Variants in DOCK3 observed in about 807,000 individuals in gnomAD.
The protein encoded by DOCK3 is dedicator of cytokinesis 3.
A neutral mutation model predicts 265.6 loss-of-function variants in DOCK3; 60 were observed. The ratio of observed to expected loss-of-function variants is 0.23; its 90% CI spans 0.18 to 0.28. The LOEUF (loss-of-function observed/expected upper bound fraction) is 0.28. Among genes scored for constraint, DOCK3 ranks in the 10% least tolerant of loss-of-function variants. The pLI is 1.00. For missense variants in DOCK3, 1,981 were observed against 2,594.3 expected (o/e 0.76, Z 5.14); for synonymous variants, 881 against 938.0 (o/e 0.94, Z 1.11).
At chr3:51,297,475 C>T (rs2082152928) in intron 27 of DOCK3, among the ~76,000 whole-genome samples, 1 of 151,978 alleles carries the variant, frequency 6.6e-6, no homozygotes, top group African/African-American at 2.4e-5. Flanking sequence ...CAAAAAGACA[C>T]CTACTACTCA....
intron 1 of DOCK3, among the ~76,000 whole-genome samples, chr3:50,676,247 A>G (rs984766280): frequency 2.6e-5 from 4 of 152,236 alleles, no homozygotes; most frequent in African/African-American, 9.6e-5. Context: ...GATTTAGTTC[A>G]CAATTCACTA....
intron 1 of DOCK3, among the ~76,000 whole-genome samples, chr3:50,776,776 A>G (rs1481105593): frequency 3.3e-5 from 5 of 152,128 alleles, no homozygotes; most frequent in African/African-American, 9.7e-5. Context: ...ACCCAGTTTC[A>G]TTCTTCTACA....
chr3:51,108,615 C>T (rs2083388883), intron 9 of DOCK3, among the ~76,000 whole-genome samples: 1 of 152,090 alleles, frequency 6.6e-6, no homozygotes, highest in South Asian at 2.1e-4. Flanking sequence ...GAAGCAAGAC[C>T]CAGTGGTATG....
At chr3:50,966,013 CTCTGTT>C (rs1401148016) in intron 5 of DOCK3, among the ~76,000 whole-genome samples, 3 of 129,918 alleles carry the variant, frequency 2.3e-5, no homozygotes, top group Non-Finnish European at 4.9e-5. Flanking sequence ...CCATTCTACT[CTCTGTT>C]TCTAAGAGTT....
intron 5 of DOCK3, among the ~76,000 whole-genome samples, chr3:51,014,744 G>A (rs1231835096): frequency 1.3e-5 from 2 of 152,056 alleles, no homozygotes; most frequent in Non-Finnish European, 2.9e-5. Context: ...GCTTTGGGTA[G>A]TATGGACGTT....
intron 7 of DOCK3, among the ~76,000 whole-genome samples, chr3:51,079,447 C>T (rs1366424189): frequency 6.6e-6 from 1 of 152,130 alleles, no homozygotes; most frequent in Non-Finnish European, 1.5e-5. Flanking sequence ...ATCTTCCCAC[C>T]TTAACCTCCT....
At chr3:50,812,366 A>G (rs945589398) in intron 2 of DOCK3, among the ~76,000 whole-genome samples, 6 of 152,360 alleles carry the variant, frequency 3.9e-5, no homozygotes, top group Admixed American at 3.9e-4. Context: ...ATGAGCTGGC[A>G]AAAGAAAGAT....
rs758190478 is a variant in DOCK3, at chr3:51,338,917, T to C, written c.3673-18T>C. 15 of 1,579,438 alleles carry C rather than the reference T, an allele frequency of 9.5e-6. No individual in the cohort carries two copies. The highest frequency in any genetic ancestry group is 1.3e-5 in the Non-Finnish European group (15 of 1,160,444). On this transcript the variant is annotated intron_variant, in intron 36 of 52. Transcript: ENST00000266037. ...CTTCCACAGGTAGTTGACAGGTGTT[T>C]CCTTCTCTTTATTGTAGAATTTTTA...
At chr3:50,726,477 C>T (rs551647590) in intron 1 of DOCK3, among the ~76,000 whole-genome samples, 12 of 152,286 alleles carry the variant, frequency 7.9e-5, no homozygotes, top group Non-Finnish European at 1.8e-4. Context: ...TAAGCTTGTA[C>T]TTTTGACTGA....
intron 5 of DOCK3, among the ~76,000 whole-genome samples, chr3:50,995,228 C>A (rs1263304110): frequency 6.6e-6 from 1 of 152,168 alleles, no homozygotes; most frequent in East Asian, 1.9e-4. Flanking sequence ...TAAACTTTTA[C>A]ATCTACAATA....
At chr3:51,147,987 T>A (rs935149883) in intron 10 of DOCK3, among the ~76,000 whole-genome samples, 4 of 152,196 alleles carry the variant, frequency 2.6e-5, no homozygotes, top group Non-Finnish European at 5.9e-5. Flanking sequence ...TTTCTCCACA[T>A]CCTCTCCAGC....
intron 5 of DOCK3, among the ~76,000 whole-genome samples, chr3:51,033,875 T>C (rs1024631882): frequency 6.6e-6 from 1 of 152,206 alleles, no homozygotes; most frequent in Admixed American, 6.5e-5. Context: ...CCCAAAAGTT[T>C]ATGGCAAAAG....
Position 51,213,998 on chromosome 3 carries a change from AAGTTTT to A in DOCK3, c.1127-123_1127-118del, listed in dbSNP as rs903594494. 41 of 1,333,472 alleles carry A rather than the reference AAGTTTT, an allele frequency of 3.1e-5. 1 individual carries two copies. The Middle Eastern group carries it at 3.0e-3, about 98-fold the overall frequency. 82.6% of individuals were successfully genotyped at this position (1,333,472 alleles called of 1,614,324 possible). A position where few individuals can be genotyped will look rare whatever the true frequency, so the allele number is the denominator to read the frequency against. On this transcript the variant is annotated intron_variant, in intron 13 of 52. Transcript: ENST00000266037. Reference sequence around the variant, plus strand: ...AAAATAACTTATACTGTCTGCATAAAAGTTTTTCTCAAGAATTTTGCTGAACTTTGC... The same window carrying A: ...AAAATAACTTATACTGTCTGCATAAATCTCAAGAATTTTGCTGAACTTTGC...
intron 6 of DOCK3, among the ~76,000 whole-genome samples, chr3:51,068,560 A>AAAAAAAAAGAAG (rs529031027): frequency 6.1e-5 from 5 of 82,412 alleles, no homozygotes; most frequent in Admixed American, 3.6e-4. Context: ...AAAAAAAAAA[A>AAAAAAAAAGAAG]AAGAAGAAGA....
rs564746744 is a variant in DOCK3 at position 50,933,576 on chromosome 3, A to AT, written c.219-394dup. Among the ~76,000 whole-genome samples the AT allele has an allele frequency of 6.4e-4, 95 of 148,138 alleles. 1 individual carries two copies. Among genetic ancestry groups the AT allele is most frequent in the South Asian group, 2.6e-3 (12 of 4,694 alleles). ...TCCACAACCCCCCACATTTTTCCAG[A>AT]TTTTTTTTTTTAACTGAGGGTATGA... On this transcript the variant is annotated intron_variant, in intron 4 of 52. Transcript: ENST00000266037.
intron 27 of DOCK3, among the ~76,000 whole-genome samples, chr3:51,303,409 T>C (rs2082465476): frequency 6.6e-6 from 1 of 152,226 alleles, no homozygotes; most frequent in Non-Finnish European, 1.5e-5. Context: ...AGCCTACTTC[T>C]GTCAATTCAT....
At chr3:51,067,878 A>G (rs1575954157) in intron 6 of DOCK3, among the ~76,000 whole-genome samples, 1 of 152,330 alleles carries the variant, frequency 6.6e-6, no homozygotes, top group East Asian at 1.9e-4. Context: ...TAGATTATGT[A>G]AAACAGACTG....
At chr3:50,874,066 G>C (rs371798715) in intron 3 of DOCK3, among the ~76,000 whole-genome samples, 21 of 106,230 alleles carry the variant, frequency 2.0e-4, no homozygotes, top group East Asian at 1.1e-3. Flanking sequence ...CTTTTCTTTT[G>C]TTTTTTTTTT....
intron 9 of DOCK3, among the ~76,000 whole-genome samples, chr3:51,142,267 A>T (rs949760291): frequency 3.3e-5 from 5 of 152,078 alleles, no homozygotes; most frequent in African/African-American, 1.2e-4. Flanking sequence ...ACACAGTAAA[A>T]TTCACCCTTT....
Sources: gnomAD v4.1 joint callset for allele counts (sites outside exome capture counted in the v4.1 genomes callset) on GRCh38, gnomAD v4.1.1 for gene constraint, MANE v1.5 for transcripts, NCBI Gene and HGNC (gene_info 2026-07-23, HGNC 2026-07-21) for gene names.